Variants in ABLIM2 observed in about 807,000 individuals in gnomAD.
ABLIM2 encodes the protein actin binding LIM protein family member 2.
In ABLIM2, 53 loss-of-function variants were observed where a neutral mutation model predicts 97.7. The observed-to-expected ratio is 0.54, with a 90% CI of 0.44 to 0.68. ABLIM2 has a LOEUF of 0.68. Ranked by LOEUF, ABLIM2 falls within the 30% of genes least tolerant of loss-of-function variation. ABLIM2 has a pLI of 0.00. For synonymous variants in ABLIM2, 361 were observed against 345.8 expected (o/e 1.04, Z -0.49); for missense variants, 835 against 867.2 (o/e 0.96, Z 0.47).
rs1757388065 is a variant in ABLIM2 at position 8,001,804 on chromosome 4, C to T, written c.1618+6255G>A. Among the ~76,000 whole-genome samples, 1 of 152,186 alleles carries T rather than the reference C, an allele frequency of 6.6e-6. No individual in the cohort carries two copies. The highest frequency in any genetic ancestry group is 3.2e-3 in the Middle Eastern group (1 of 316). On this transcript the variant is annotated intron_variant, in intron 16 of 20. Coordinates refer to ENST00000447017, the MANE Select transcript of ABLIM2 (RefSeq NM_001130083.2). The surrounding 1 kb of genome is among the most constrained non-coding windows in gnomAD (Gnocchi z 4.2). ...GCTGGCTGCCCCCTTCCCCACTTCC[C>T]TGGCCCACTTCCTCTCCTGGCTTTC...
At chr4:8,131,663 TC>T (rs1849387862) in intron 1 of ABLIM2, among the ~76,000 whole-genome samples, 1 of 62,242 alleles carries the variant, frequency 1.6e-5, no homozygotes, top group African/African-American at 5.7e-5. Flanking sequence ...CAGCACAGCA[TC>T]CCGCATCCCT....
chr4:8,001,315 C>T lies in ABLIM2; in HGVS notation c.1618+6744G>A, dbSNP rs1757033299. Among the ~76,000 whole-genome samples, 1 of 152,168 alleles carries T rather than the reference C, an allele frequency of 6.6e-6. No homozygotes were observed. Among genetic ancestry groups the T allele is most frequent in the Middle Eastern group, 3.2e-3 (1 of 316 alleles). On this transcript the variant is annotated intron_variant, in intron 16 of 20. Transcript: ENST00000447017. The surrounding 1 kb of genome is among the most constrained non-coding windows in gnomAD (Gnocchi z 4.2). The stretch of plus-strand genomic sequence containing the variant: ...GGGGTGCCACCCAGGGCCTGTGCTG[C>T]TACCCGCAGAACTGGGAGGCCACAC...
At chr4:8,119,882 C>T (rs1844502291) in intron 1 of ABLIM2, among the ~76,000 whole-genome samples, 1 of 152,124 alleles carries the variant, frequency 6.6e-6, no homozygotes, top group Non-Finnish European at 1.5e-5. Context: ...GTTCCCAGCC[C>T]AGTGGGAAGA....
rs565781922 is a variant in ABLIM2, at chr4:8,092,859, G to GT, written c.338+4239dup. 2.9e-4 allele frequency among the ~76,000 whole-genome samples: 44 copies of GT among 152,166 alleles called. 1 individual carries two copies. In the South Asian group the frequency reaches 5.2e-3, roughly 18 times the overall value. On this transcript the variant is annotated intron_variant, in intron 3 of 20. Coordinates refer to ENST00000447017, the MANE Select transcript of ABLIM2 (RefSeq NM_001130083.2). ...AACTCTTTTGTCCATTTTTTTAAAAGTTTTTTTGAGATGGAGGCTCCCTCT... is the reference window on the plus strand; with the variant it reads ...AACTCTTTTGTCCATTTTTTTAAAAGTTTTTTTTGAGATGGAGGCTCCCTCT...
chr4:8,035,824 T>C (rs920106936), intron 10 of ABLIM2, among the ~76,000 whole-genome samples: 2 of 152,204 alleles, frequency 1.3e-5, no homozygotes, highest in Non-Finnish European at 2.9e-5. Context: ...AATAATCTAA[T>C]ACTTAAGAAA....
In ABLIM2 at chr4:8,020,308, A is replaced by G; in HGVS notation, c.1268-5T>C. Reference sequence around the variant, plus strand: ...TGCTCCGGCCACTTTCACTGCCTCCAGACGGAAGGGCAAAGGCAGCAGATA... The same window carrying G: ...TGCTCCGGCCACTTTCACTGCCTCCGGACGGAAGGGCAAAGGCAGCAGATA... On this transcript the variant is annotated splice_region_variant and splice_polypyrimidine_tract_variant and intron_variant, in intron 12 of 20. Coordinates refer to ENST00000447017, the MANE Select transcript of ABLIM2 (RefSeq NM_001130083.2). 3 of 1,612,808 alleles carry G rather than the reference A, an allele frequency of 1.9e-6. No homozygotes were observed. Among genetic ancestry groups the G allele is most frequent in the Non-Finnish European group, 2.5e-6 (3 of 1,179,100 alleles).
At position 8,088,866 on chromosome 4, in the gene ABLIM2, C is replaced by T. The variant is rs28671629; in HGVS notation, c.339-582G>A. ...TAACTTTTCCAAGGACACATGGATA[C>T]GAGTCAGAACCAGAATCAAACCAAG... On this transcript the variant is annotated intron_variant, in intron 3 of 20. Transcript: ENST00000447017. Among the ~76,000 whole-genome samples, 669 of 152,258 alleles carry T rather than the reference C, an allele frequency of 4.4e-3. 7 individuals carry two copies. The highest frequency in any genetic ancestry group is 0.015 in the African/African-American group (634 of 41,542).
At position 8,130,816 on chromosome 4, in the gene ABLIM2, G is replaced by A. The variant is rs1849251564; in HGVS notation, c.11-24179C>T. On this transcript the variant is annotated intron_variant, in intron 1 of 20. Transcript: ENST00000447017. The surrounding 1 kb of genome is among the most constrained non-coding windows in gnomAD (Gnocchi z 4.2). ...GTATCACTGGGCTGATGTCAAGGCA[G>A]CCCCAAGGCCGAGCTCCCCGAAGGC... is the stretch of plus-strand genomic sequence containing the variant. 6.6e-6 allele frequency among the ~76,000 whole-genome samples: 1 copy of A among 152,196 alleles called. No individual in the cohort carries two copies. Among genetic ancestry groups the A allele is most frequent in the African/African-American group, 2.4e-5 (1 of 41,434 alleles).
intron 2 of ABLIM2, among the ~76,000 whole-genome samples, chr4:8,104,934 T>A (rs2386115): frequency 1.1e-4 from 17 of 152,220 alleles, no homozygotes; most frequent in African/African-American, 4.1e-4. Context: ...TGGGCAGCAC[T>A]GGAGACAGCA....
intron 6 of ABLIM2, among the ~76,000 whole-genome samples, chr4:8,064,633 C>G (rs1185075132): frequency 6.6e-6 from 1 of 152,186 alleles, no homozygotes; most frequent in Non-Finnish European, 1.5e-5. Flanking sequence ...CCCTCGTGTC[C>G]TGAACGAACA....
Position 8,140,991 on chromosome 4 carries a change from G to A in ABLIM2, c.10+17689C>T, listed in dbSNP as rs370381122. 2.0e-5 allele frequency among the ~76,000 whole-genome samples: 3 copies of A among 152,226 alleles called. No homozygotes were observed. The highest frequency in any genetic ancestry group is 2.9e-5 in the Non-Finnish European group (2 of 68,018). On this transcript the variant is annotated intron_variant, in intron 1 of 20. Transcript: ENST00000447017. This position sits in a 1 kb window ranked among gnomAD's most constrained non-coding sequence, Gnocchi z 5.9. The stretch of plus-strand genomic sequence containing the variant: ...GCTGGTCTCCAAGGCCACTGAACCT[G>A]ACCTCAGGCTCAGGTGGACCCTGCC...
chr4:8,135,740 C>T lies in ABLIM2; in HGVS notation c.10+22940G>A, dbSNP rs187749858. 2.7e-3 allele frequency among the ~76,000 whole-genome samples: 415 copies of T among 152,360 alleles called. 1 individual carries two copies. The highest frequency in any genetic ancestry group is 8.3e-3 in the South Asian group (40 of 4,834). On this transcript the variant is annotated intron_variant, in intron 1 of 20. Coordinates refer to ENST00000447017, the MANE Select transcript of ABLIM2 (RefSeq NM_001130083.2). The stretch of plus-strand genomic sequence containing the variant: ...ATGCTCTCAAGGAGCGCAGATGACG[C>T]GGGTTCCGAAGGACTCGGCACCCAG...
In ABLIM2 at chr4:8,046,253, C is replaced by A. The variant is rs1300990275; in HGVS notation, c.823-1012G>T. Among the ~76,000 whole-genome samples the A allele has an allele frequency of 3.3e-5, 5 of 152,134 alleles. No homozygotes were observed. ...TCCCCCCACCTCAGCCCCCTCCAGC[C>A]CTGCGGACACACTCCTTCTGTGGTC... is the stretch of plus-strand genomic sequence containing the variant. On this transcript the variant is annotated intron_variant, in intron 8 of 20. Coordinates refer to ENST00000447017, the MANE Select transcript of ABLIM2 (RefSeq NM_001130083.2). This position sits in a 1 kb window ranked among gnomAD's most constrained non-coding sequence, Gnocchi z 4.4.
intron 8 of ABLIM2, among the ~76,000 whole-genome samples, chr4:8,051,463 T>C (rs1030296010): frequency 1.9e-3 from 281 of 147,428 alleles, no homozygotes; most frequent in Admixed American, 3.9e-3. Flanking sequence ...AGGCTGCGGC[T>C]GAAGAATAGC....
intron 8 of ABLIM2, 47 bp from the exon 9 acceptor site, chr4:8,045,288 G>A: frequency 6.5e-7 from 1 of 1,541,856 alleles, no homozygotes; most frequent in Non-Finnish European, 9.0e-7. Flanking sequence ...CCAACATTCG[G>A]GGCCTTCAGA....
chr4:7,993,988 C>T (rs1014102378), intron 16 of ABLIM2: 2 of 497,690 alleles, frequency 4.0e-6, no homozygotes, highest in African/African-American at 3.9e-5. Flanking sequence ...GAACGCCTGC[C>T]TGGCTCAGAG....
At chr4:8,153,276 T>C (rs922322642) in intron 1 of ABLIM2, among the ~76,000 whole-genome samples, 1 of 152,186 alleles carries the variant, frequency 6.6e-6, no homozygotes, top group Non-Finnish European at 1.5e-5. Flanking sequence ...GACAGTAAGA[T>C]TGAACTTTCC....
chr4:8,119,619 C>T (rs746668169), intron 1 of ABLIM2, among the ~76,000 whole-genome samples: 1 of 152,168 alleles, frequency 6.6e-6, no homozygotes, highest in Non-Finnish European at 1.5e-5. Flanking sequence ...AGCCACCGTG[C>T]CCAGACTGGG....
At chr4:8,073,066 G>C (rs139657182) in intron 6 of ABLIM2, among the ~76,000 whole-genome samples, 90 of 152,074 alleles carry the variant, frequency 5.9e-4, no homozygotes, top group Non-Finnish European at 9.7e-4. Context: ...CCAGGCTGCT[G>C]TTTTTAACGG....
Sources: gnomAD v4.1 joint callset for allele counts (sites outside exome capture counted in the v4.1 genomes callset) on GRCh38, gnomAD v4.1.1 for gene constraint, Gnocchi (gnomAD v3.1) non-coding constraint, MANE v1.5 for transcripts, NCBI Gene and HGNC (gene_info 2026-07-23, HGNC 2026-07-21) for gene names.